The following ZGRF1 variants were observed in gnomAD, a reference collection of about 807,000 sequenced individuals.
ZGRF1 encodes 5'-3' DNA helicase ZGRF1.
In ZGRF1, 196 loss-of-function variants were observed where a neutral mutation model predicts 203.5. The observed-to-expected ratio is 0.96, with a 90% CI of 0.86 to 1.08. ZGRF1 has a LOEUF of 1.08. Ranked by LOEUF, ZGRF1 falls within the 50% of genes least tolerant of loss-of-function variation. The probability of loss-of-function intolerance (pLI) is 0.00; values close to 1 mark genes in which losing one functional copy is unlikely to be tolerated. For missense variants in ZGRF1, 2,326 were observed against 2,416.3 expected (o/e 0.96, Z 0.78); for synonymous variants, 809 against 841.3 (o/e 0.96, Z 0.66).
rs756243010 is a variant in ZGRF1, at chr4:112,560,969, T to C, written c.4724A>G (p.Lys1575Arg). 6.2e-7 allele frequency: 1 copy of C among 1,610,512 alleles called. No homozygotes were observed. Among genetic ancestry groups the C allele is most frequent in the Admixed American group, 1.7e-5 (1 of 59,618 alleles). ...GATAAATTTTCTCTTACTGACTCTT[T>C]TGTTACTAACTATAGTTGGCGAAGA... ...TTSSPTIVSN[K>R]RVSKRKFIPP... is the part of the protein sequence containing the mutation. Residue 1575 changes from lysine (K) to arginine (R), a missense_variant, in exon 19 of 28, where the codon AAA (lysine) becomes AGA (arginine). Transcript: ENST00000505019.
At chr4:112,595,529 T>C (rs772398799) in intron 10 of ZGRF1, among the ~76,000 whole-genome samples, 19 of 152,134 alleles carry the variant, frequency 1.2e-4, no homozygotes, top group Non-Finnish European at 2.5e-4. Context: ...CTGGGCAACA[T>C]AGTGAGAGCC....
intron 22 of ZGRF1, among the ~76,000 whole-genome samples, chr4:112,549,918 C>A (rs1449357180): frequency 6.6e-6 from 1 of 152,024 alleles, no homozygotes; most frequent in African/African-American, 2.4e-5. Context: ...CAAGGCTGGG[C>A]GCAGTGGCTC....
intron 3 of ZGRF1, among the ~76,000 whole-genome samples, chr4:112,624,163 CAA>C (rs34831385): frequency 1.8e-4 from 20 of 114,068 alleles, no homozygotes; most frequent in Non-Finnish European, 1.9e-4. Flanking sequence ...TGCTACTGCT[CAA>C]AAAAAAAAAA....
intron 24 of ZGRF1, among the ~76,000 whole-genome samples, 163 bp downstream of exon 24, chr4:112,547,122 T>C (rs1055435611): frequency 6.6e-6 from 1 of 152,116 alleles, no homozygotes; most frequent in African/African-American, 2.4e-5. Flanking sequence ...AATTATAGGG[T>C]TCCACTTGTC....
chr4:112,609,262 C>T, intron 8 of ZGRF1, 117 bp downstream of exon 8: 1 of 324,434 alleles, frequency 3.1e-6, no homozygotes. Context: ...ACCATGTTAG[C>T]CAGGATGGTC....
intron 10 of ZGRF1, among the ~76,000 whole-genome samples, chr4:112,597,893 A>C (rs1484402665): frequency 2.7e-5 from 4 of 148,062 alleles, no homozygotes; most frequent in South Asian, 2.1e-4. Flanking sequence ...AAATGTACCC[A>C]CACACACACA....
chr4:112,593,442 A>C (rs1390253928), intron 10 of ZGRF1, among the ~76,000 whole-genome samples: 1 of 152,192 alleles, frequency 6.6e-6, no homozygotes, highest in Non-Finnish European at 1.5e-5. Context: ...AAAAACTTTA[A>C]AAATATAAAT....
chr4:112,624,815 G>A (rs2047178008), intron 3 of ZGRF1, among the ~76,000 whole-genome samples: 1 of 152,036 alleles, frequency 6.6e-6, no homozygotes, highest in South Asian at 2.1e-4. Flanking sequence ...AAAGATTAAA[G>A]TTCCCACATG....
chr4:112,630,017 T>TA (rs1414755811), intron 3 of ZGRF1: 2 of 189,504 alleles, frequency 1.1e-5, no homozygotes, highest in Non-Finnish European at 2.2e-5. Context: ...AGACTCTGTC[T>TA]AAAAAAAGAA....
rs372158484 is a variant in ZGRF1, at chr4:112,564,869, TA to T, written c.4439-1596del. On this transcript the variant is annotated intron_variant, in intron 16 of 27. Coordinates refer to ENST00000505019, the MANE Select transcript of ZGRF1 (RefSeq NM_018392.5). Reference sequence around the variant, plus strand: ...CGAAGGTCACATTATAAATTCTTTTTACTGAATTGTGTTCGCAGCCGCCACC... The same window carrying T: ...CGAAGGTCACATTATAAATTCTTTTTCTGAATTGTGTTCGCAGCCGCCACC... 7.5e-4 allele frequency: 462 copies of T among 615,010 alleles called. 3 individuals carry two copies. The highest frequency in any genetic ancestry group is 7.1e-3 in the African/African-American group (386 of 54,008). 38.1% of individuals were successfully genotyped at this position (615,010 alleles called of 1,614,324 possible).
intron 10 of ZGRF1, among the ~76,000 whole-genome samples, chr4:112,594,499 C>A (rs922547427): frequency 6.6e-6 from 1 of 150,716 alleles, no homozygotes. Context: ...GTCACCCAGG[C>A]TAGAGTGCAG....
chr4:112,586,546 T>C lies in ZGRF1; in HGVS notation c.3815A>G (p.Gln1272Arg), dbSNP rs1237019578. ...GGGAAGATAAGCAGATTTTATTTTC[T>C]GCCCACTTGGAAAGCACAGCTCAGA... ...SGSELCFPSGQKIKSAYLPQR... is the reference protein window; with the variant it reads ...SGSELCFPSGRKIKSAYLPQR... The change falls in exon 13 of 28, where the codon CAG becomes CGG. Residue 1272 changes from glutamine (Q) to arginine (R), a missense_variant. Coordinates refer to ENST00000505019, the MANE Select transcript of ZGRF1 (RefSeq NM_018392.5). The C allele has an allele frequency of 6.2e-7, 1 of 1,613,182 alleles. No individual in the cohort carries two copies. The highest frequency in any genetic ancestry group is 1.7e-5 in the Admixed American group (1 of 59,942).
At chr4:112,606,909 A>G (rs527425131) in intron 8 of ZGRF1, among the ~76,000 whole-genome samples, 14 of 150,298 alleles carry the variant, frequency 9.3e-5, no homozygotes, top group African/African-American at 3.3e-4. Context: ...AATTTTTCAT[A>G]TGACTTGGAT....
At chr4:112,571,836 AAGAAC>A (rs1373077076) in intron 16 of ZGRF1, among the ~76,000 whole-genome samples, 1 of 152,250 alleles carries the variant, frequency 6.6e-6, no homozygotes, top group Non-Finnish European at 1.5e-5. Context: ...GGTCACATCT[AAGAAC>A]AGAGAGGGGA....
chr4:112,633,231 T>A lies in ZGRF1; in HGVS notation c.-55A>T, dbSNP rs1433529226. 3.1e-6 allele frequency: 4 copies of A among 1,306,218 alleles called. No homozygotes were observed. Among genetic ancestry groups the A allele is most frequent in the Non-Finnish European group, 4.3e-6 (4 of 922,020 alleles). The allele number at this position is 1,306,218 out of a possible 1,614,324, so 80.9% of individuals were successfully genotyped here. On this transcript the variant is annotated 5_prime_UTR_variant, in exon 2 of 28. Coordinates refer to ENST00000505019, the MANE Select transcript of ZGRF1 (RefSeq NM_018392.5). ...GTCCAGAAAATAGGAAATATTCAAC[T>A]ATTTATACCACCTAAAATTAAAAAT...
intron 3 of ZGRF1, among the ~76,000 whole-genome samples, chr4:112,626,552 G>A (rs1380741449): frequency 3.3e-5 from 5 of 152,106 alleles, no homozygotes; most frequent in Non-Finnish European, 7.4e-5. Flanking sequence ...TCTCCTCCAC[G>A]TTATTTCCAT....
At chr4:112,592,014 A>G (rs527541702) in intron 10 of ZGRF1, among the ~76,000 whole-genome samples, 2 of 152,238 alleles carry the variant, frequency 1.3e-5, no homozygotes, top group South Asian at 2.1e-4. Context: ...TATTTGTCAA[A>G]TGAGTGACTG....
intron 17 of ZGRF1, among the ~76,000 whole-genome samples, chr4:112,562,810 A>G (rs906452796): frequency 9.2e-5 from 14 of 152,224 alleles, no homozygotes; most frequent in Non-Finnish European, 2.1e-4. Context: ...TTTAATCAAC[A>G]TATCACTTGT....
intron 16 of ZGRF1, chr4:112,565,425 ATTCTC>A: frequency 1.8e-6 from 1 of 551,874 alleles, no homozygotes; most frequent in African/African-American, 2.8e-5. Context: ...GAAACATTTC[ATTCTC>A]AAAAAAAAAA....
Sources: gnomAD v4.1 joint callset for allele counts (sites outside exome capture counted in the v4.1 genomes callset) on GRCh38, gnomAD v4.1.1 for gene constraint, MANE v1.5 for transcripts, NCBI Gene and HGNC (gene_info 2026-07-23, HGNC 2026-07-21) for gene names.